Variants in NRG3 observed in about 807,000 individuals in gnomAD.
NRG3 encodes pro-neuregulin-3, membrane-bound isoform.
Under a neutral mutation model 66.9 loss-of-function variants are expected in NRG3, and 31 were observed. The ratio of observed to expected loss-of-function variants is 0.46; its 90% CI spans 0.35 to 0.63. The LOEUF is 0.63. Among genes scored for constraint, NRG3 ranks in the 20% least tolerant of loss-of-function variants. The pLI is 0.00. For synonymous variants in NRG3, 393 were observed against 359.4 expected (o/e 1.09, Z -1.06); for missense variants, 910 against 878.9 (o/e 1.04, Z -0.45).
At chr10:82,736,104 A>G (rs1184176392) in intron 2 of NRG3, among the ~76,000 whole-genome samples, 2 of 152,178 alleles carry the variant, frequency 1.3e-5, no homozygotes, top group African/African-American at 2.4e-5. Context: ...TCTTTCAAAA[A>G]GAAAAAAGAA....
intron 1 of NRG3, among the ~76,000 whole-genome samples, chr10:82,297,289 G>T (rs185668321): frequency 1.2e-4 from 18 of 151,460 alleles, no homozygotes; most frequent in East Asian, 9.7e-4. Context: ...TTTTCTTTTG[G>T]GTAGATACTC....
rs56909491 is a variant in NRG3 at position 82,261,499 on chromosome 10, G to T, written c.824-97240G>T. Among the ~76,000 whole-genome samples, 3 of 152,156 alleles carry T rather than the reference G, an allele frequency of 2.0e-5. No individual in the cohort carries two copies. The South Asian group carries it at 6.2e-4, about 32-fold the overall frequency. The stretch of plus-strand genomic sequence containing the variant: ...GTCGTGGAGACCTTAACCCAGCGGC[G>T]CTAGAGGAATTAAAGACACACACAC... On this transcript the variant is annotated intron_variant, in intron 1 of 8. Coordinates refer to ENST00000372141, the MANE Select transcript of NRG3 (RefSeq NM_001010848.4).
At chr10:82,037,324 T>C (rs1024675022) in intron 1 of NRG3, among the ~76,000 whole-genome samples, 2 of 152,080 alleles carry the variant, frequency 1.3e-5, no homozygotes, top group African/African-American at 4.8e-5. Context: ...CAAGCCCAGC[T>C]CCATCAGGGC....
intron 1 of NRG3, among the ~76,000 whole-genome samples, chr10:82,086,373 A>G (rs1418000364): frequency 6.6e-6 from 1 of 152,144 alleles, no homozygotes; most frequent in Non-Finnish European, 1.5e-5. Flanking sequence ...TACTTTATTC[A>G]CTATTTGAAG....
chr10:82,926,772 A>C (rs566875648), intron 4 of NRG3, among the ~76,000 whole-genome samples: 1 of 152,368 alleles, frequency 6.6e-6, no homozygotes, highest in South Asian at 2.1e-4. Flanking sequence ...TCTCTCACAG[A>C]GTCTGTGGCA....
chr10:82,248,542 C>G (rs1218582260), intron 1 of NRG3, among the ~76,000 whole-genome samples: 1 of 152,124 alleles, frequency 6.6e-6, no homozygotes, highest in Non-Finnish European at 1.5e-5. Flanking sequence ...TTGGTTTTAG[C>G]TTTCTTATTG....
chr10:82,825,546 G>T (rs1309083979), intron 3 of NRG3, among the ~76,000 whole-genome samples: 1 of 152,132 alleles, frequency 6.6e-6, no homozygotes, highest in Non-Finnish European at 1.5e-5. Context: ...GGGTTCTGAC[G>T]GCTGGCATCC....
At chr10:82,769,659 A>T (rs11195860) in intron 3 of NRG3, among the ~76,000 whole-genome samples, 11 of 152,114 alleles carry the variant, frequency 7.2e-5, no homozygotes, top group African/African-American at 1.2e-4. Flanking sequence ...AGAAGACTAA[A>T]TTTTAAACCT....
At chr10:82,801,059 G>T (rs182278199) in intron 3 of NRG3, among the ~76,000 whole-genome samples, 4 of 152,260 alleles carry the variant, frequency 2.6e-5, no homozygotes, top group Non-Finnish European at 5.9e-5. Flanking sequence ...GAGAAATAGT[G>T]GTATAGTGAA....
intron 1 of NRG3, among the ~76,000 whole-genome samples, chr10:81,879,345 A>G (rs1375418587): frequency 1.3e-5 from 2 of 152,236 alleles, no homozygotes; most frequent in Non-Finnish European, 2.9e-5. Flanking sequence ...GACAGTAGAA[A>G]ACAGTGATTT....
intron 1 of NRG3, among the ~76,000 whole-genome samples, chr10:81,979,166 C>T (rs572120685): frequency 4.2e-4 from 54 of 129,980 alleles, no homozygotes; most frequent in Non-Finnish European, 6.7e-4. Flanking sequence ...TCCAGCCTGG[C>T]GACAGGGCGG....
intron 2 of NRG3, among the ~76,000 whole-genome samples, chr10:82,567,920 C>T (rs1179185597): frequency 6.6e-6 from 1 of 151,800 alleles, no homozygotes; most frequent in Non-Finnish European, 1.5e-5. Context: ...AATCATACAC[C>T]TAAAGCTGAA....
intron 3 of NRG3, among the ~76,000 whole-genome samples, chr10:82,782,134 A>C (rs2060141830): frequency 6.6e-6 from 1 of 152,156 alleles, no homozygotes; most frequent in Non-Finnish European, 1.5e-5. Flanking sequence ...ATTTATCCCC[A>C]AAATTCATGT....
chr10:82,917,033 T>C (rs182427842), intron 4 of NRG3, among the ~76,000 whole-genome samples: 7 of 152,318 alleles, frequency 4.6e-5, no homozygotes, highest in African/African-American at 1.4e-4. Context: ...TAGCACACAT[T>C]GGGAAAGTTT....
chr10:82,877,434 C>T (rs994612541), intron 4 of NRG3, among the ~76,000 whole-genome samples: 2 of 136,386 alleles, frequency 1.5e-5, no homozygotes, highest in African/African-American at 2.8e-5. Context: ...GGCTGGAGTG[C>T]AATGGTGCAA....
At chr10:82,688,777 A>AG (rs1554998796) in intron 2 of NRG3, among the ~76,000 whole-genome samples, 33 of 151,882 alleles carry the variant, frequency 2.2e-4, no homozygotes, top group African/African-American at 7.5e-4. Context: ...TAGAAAAAAA[A>AG]AAAAGAAAAG....
intron 1 of NRG3, among the ~76,000 whole-genome samples, chr10:82,001,195 G>GAA (rs775801982): frequency 4.2e-5 from 5 of 119,844 alleles, no homozygotes; most frequent in Non-Finnish European, 9.6e-5. Context: ...AAGTGTAAGA[G>GAA]AAAAAAAAAA....
At chr10:82,205,667 AGATGTCATT>A (rs2075082882) in intron 1 of NRG3, among the ~76,000 whole-genome samples, 1 of 152,142 alleles carries the variant, frequency 6.6e-6, no homozygotes, top group African/African-American at 2.4e-5. Flanking sequence ...CTGAAGGAAA[AGATGTCATT>A]GAAGGCTGTA....
At chr10:82,238,340 CCTTA>C (rs1377551775) in intron 1 of NRG3, among the ~76,000 whole-genome samples, 3 of 151,948 alleles carry the variant, frequency 2.0e-5, no homozygotes, top group Non-Finnish European at 4.4e-5. Context: ...AAAAAAAAGT[CCTTA>C]CTGAGTATAT....
Sources: gnomAD v4.1 joint callset for allele counts (sites outside exome capture counted in the v4.1 genomes callset) on GRCh38, gnomAD v4.1.1 for gene constraint, MANE v1.5 for transcripts, NCBI Gene and HGNC (gene_info 2026-07-23, HGNC 2026-07-21) for gene names.